CTNNA2: variants seen among roughly 807,000 people sequenced by gnomAD.
The protein encoded by CTNNA2 is catenin alpha 2.
In CTNNA2, 42 loss-of-function variants were observed where a neutral mutation model predicts 101.0. The ratio of observed to expected loss-of-function variants is 0.42; its 90% CI spans 0.32 to 0.54. The LOEUF (loss-of-function observed/expected upper bound fraction) is 0.54. CTNNA2 is among the 20% of genes least tolerant of loss of function. CTNNA2 has a pLI of 0.14. For missense variants in CTNNA2, 871 were observed against 1,223.1 expected, an observed-to-expected ratio of 0.71 and a Z score of 4.29; for synonymous variants, 450 against 456.4, an observed-to-expected ratio of 0.99 and a Z score of 0.18.
At chr2:80,575,757 C>T (rs1346934019) in intron 13 of CTNNA2, among the ~76,000 whole-genome samples, 1 of 152,032 alleles carries the variant, frequency 6.6e-6, no homozygotes, top group South Asian at 2.1e-4. Flanking sequence ...CATTCACTTA[C>T]TAATTCATGA....
intron 1 of CTNNA2, among the ~76,000 whole-genome samples, chr2:79,551,907 C>T (rs1043280275): frequency 1.3e-5 from 2 of 152,128 alleles, no homozygotes; most frequent in African/African-American, 2.4e-5. Flanking sequence ...ACAGGCTCTT[C>T]CTCCAACATT....
chr2:80,078,316 AG>A (rs781166216), intron 7 of CTNNA2, among the ~76,000 whole-genome samples: 4 of 152,070 alleles, frequency 2.6e-5, no homozygotes, highest in Non-Finnish European at 4.4e-5. Flanking sequence ...TGTGCGGGAG[AG>A]GGGCATTTAA....
intron 12 of CTNNA2, among the ~76,000 whole-genome samples, chr2:80,565,002 A>G (rs1189366952): frequency 6.6e-6 from 1 of 152,198 alleles, no homozygotes; most frequent in Non-Finnish European, 1.5e-5. Flanking sequence ...AAAGCATTTG[A>G]AGACACTTAA....
In CTNNA2 at chr2:79,924,600, C is replaced by T. The variant is rs567329004; in HGVS notation, c.1056+14803C>T. 5.3e-5 allele frequency among the ~76,000 whole-genome samples: 8 copies of T among 152,232 alleles called. No individual in the cohort carries two copies. In the South Asian group the frequency reaches 1.5e-3, roughly 28 times the overall value. On this transcript the variant is annotated intron_variant, in intron 7 of 18. Coordinates refer to ENST00000402739, the MANE Select transcript of CTNNA2 (RefSeq NM_001282597.3). ...AGGTTTTAGATTTCTTCCATCGCTACGTTCAGGGGCTATAACTAGACATAG... is the reference window on the plus strand; with the variant it reads ...AGGTTTTAGATTTCTTCCATCGCTATGTTCAGGGGCTATAACTAGACATAG...
chr2:79,417,536 GATTA>G (rs1318198242), intron 4 of CTNNA2, among the ~76,000 whole-genome samples: 1 of 152,098 alleles, frequency 6.6e-6, no homozygotes, highest in Non-Finnish European at 1.5e-5. Context: ...ATACTTCAAA[GATTA>G]ATTGAGTTCT....
intron 3 of CTNNA2, among the ~76,000 whole-genome samples, chr2:79,833,624 C>T (rs1194620821): frequency 6.6e-6 from 1 of 152,138 alleles, no homozygotes; most frequent in Non-Finnish European, 1.5e-5. Flanking sequence ...TCATGGCATG[C>T]CACACAAAAA....
chr2:79,644,251 G>A (rs935249189), intron 1 of CTNNA2, among the ~76,000 whole-genome samples: 2 of 152,056 alleles, frequency 1.3e-5, no homozygotes, highest in Non-Finnish European at 2.9e-5. Context: ...TGTTGGCCAG[G>A]CTGGTCTCGA....
chr2:79,407,870 T>C (rs866680449), intron 4 of CTNNA2, among the ~76,000 whole-genome samples: 1 of 152,074 alleles, frequency 6.6e-6, no homozygotes, highest in Admixed American at 6.6e-5. Flanking sequence ...TGCCAAAACA[T>C]GTATGTGTAC....
intron 9 of CTNNA2, among the ~76,000 whole-genome samples, chr2:80,542,951 C>A (rs1191562067): frequency 1.3e-5 from 2 of 152,058 alleles, no homozygotes; most frequent in African/African-American, 2.4e-5. Flanking sequence ...AATGTAGGAA[C>A]CATTGGTTAA....
rs564808729 is a variant in CTNNA2, at chr2:79,594,002, C to A, written c.-5-57550C>A. Among the ~76,000 whole-genome samples the A allele has an allele frequency of 8.6e-5, 13 of 150,400 alleles. No individual in the cohort carries two copies. In the South Asian group the frequency reaches 2.5e-3, roughly 29 times the overall value. Reference sequence around the variant, plus strand: ...CTCCCAGGTTCAAGCAATTCCTACACCTCAGCCTCCCAACTAGCTGGGATT... The same window carrying A: ...CTCCCAGGTTCAAGCAATTCCTACAACTCAGCCTCCCAACTAGCTGGGATT... On this transcript the variant is annotated intron_variant, in intron 1 of 18. Transcript: ENST00000402739.
At chr2:80,525,852 G>A (rs1409181157) in intron 9 of CTNNA2, among the ~76,000 whole-genome samples, 1 of 152,054 alleles carries the variant, frequency 6.6e-6, no homozygotes, top group Non-Finnish European at 1.5e-5. Flanking sequence ...CGTGTGCCTG[G>A]GACCTGCAAA....
chr2:79,197,060 A>C (rs924272223), intron 1 of CTNNA2, among the ~76,000 whole-genome samples: 1 of 152,118 alleles, frequency 6.6e-6, no homozygotes, highest in Non-Finnish European at 1.5e-5. Flanking sequence ...CCTTAGGAAA[A>C]ACTTTTGTGA....
chr2:79,267,232 T>C (rs1674997751), intron 2 of CTNNA2, among the ~76,000 whole-genome samples: 1 of 152,038 alleles, frequency 6.6e-6, no homozygotes, highest in Non-Finnish European at 1.5e-5. Context: ...ATAGATGCTA[T>C]AAAAAAATAC....
chr2:79,591,037 AGGAGACATG>A (rs1442529869), intron 1 of CTNNA2, among the ~76,000 whole-genome samples: 1 of 152,178 alleles, frequency 6.6e-6, no homozygotes, highest in Non-Finnish European at 1.5e-5. Context: ...ATAATGCTTT[AGGAGACATG>A]GGAGATATCT....
intron 4 of CTNNA2, among the ~76,000 whole-genome samples, chr2:79,502,141 G>A (rs964600816): frequency 6.6e-6 from 1 of 151,694 alleles, no homozygotes; most frequent in African/African-American, 2.4e-5. Flanking sequence ...TCTTACCCAG[G>A]GAAATGTGAC....
intron 4 of CTNNA2, among the ~76,000 whole-genome samples, chr2:79,503,431 C>T (rs149930880): frequency 1.3e-5 from 2 of 152,174 alleles, no homozygotes; most frequent in South Asian, 4.1e-4. Context: ...TTCTGTACTA[C>T]ATTGCTTCTG....
At chr2:79,812,639 G>A (rs1011138082) in intron 3 of CTNNA2, among the ~76,000 whole-genome samples, 3 of 151,936 alleles carry the variant, frequency 2.0e-5, no homozygotes, top group East Asian at 1.9e-4. Flanking sequence ...ATGCATCTTC[G>A]GCTGTTTTGG....
At chr2:79,274,269 G>A (rs967333835) in intron 2 of CTNNA2, among the ~76,000 whole-genome samples, 1 of 152,040 alleles carries the variant, frequency 6.6e-6, no homozygotes, top group Non-Finnish European at 1.5e-5. Context: ...CTTGTGAGTG[G>A]TTAGCTTAAT....
chr2:80,245,619 C>A (rs1671258994), intron 7 of CTNNA2, among the ~76,000 whole-genome samples: 1 of 151,834 alleles, frequency 6.6e-6, no homozygotes, highest in Non-Finnish European at 1.5e-5. Context: ...TACATTCCTG[C>A]CCCTTCTCTA....
Sources: allele counts gnomAD v4.1 joint callset (sites outside exome capture counted in the v4.1 genomes callset), GRCh38; gene constraint gnomAD v4.1.1; transcripts MANE v1.5; gene names NCBI Gene and HGNC (gene_info 2026-07-23, HGNC 2026-07-21).